The following TMEM114 variants were observed in gnomAD, a reference collection of about 807,000 sequenced individuals.
TMEM114 encodes the protein transmembrane protein 114.
In TMEM114, 6 loss-of-function variants were observed where a neutral mutation model predicts 6.2. The observed-to-expected ratio is 0.97, with a 90% CI of 0.53 to 1.91. The LOEUF (loss-of-function observed/expected upper bound fraction) is 1.91, where lower values mean the gene tolerates loss of function less well. Ranked by LOEUF, TMEM114 falls within the 40% of genes most tolerant of loss-of-function variation. TMEM114 has a pLI of 0.01. For missense variants in TMEM114, 218 were observed against 158.3 expected (o/e 1.38, Z -2.02); for synonymous variants, 104 against 73.0 (o/e 1.42, Z -2.16).
At chr16:8,533,311 C>T (rs1370655732), downstream of TMEM114, among the ~76,000 whole-genome samples, 2 of 152,146 alleles carry the variant, frequency 1.3e-5, no homozygotes, top group Non-Finnish European at 2.9e-5. Flanking sequence ...ATGAAGAAGC[C>T]AGCCGTGGGA....
intron 2 of TMEM114, among the ~76,000 whole-genome samples, chr16:8,560,760 A>C (rs185173611): frequency 1.3e-5 from 2 of 152,160 alleles, no homozygotes; most frequent in African/African-American, 4.8e-5. Context: ...GGGATCCCCC[A>C]TCAGCCCCAA....
At position 8,556,233 on chromosome 16, in the gene TMEM114, C is replaced by A. The variant is rs567307026; in HGVS notation, n.213-18407G>T. Among the ~76,000 whole-genome samples the A allele has an allele frequency of 1.3e-3, 191 of 152,298 alleles. 2 individuals carry two copies. The highest frequency in any genetic ancestry group is 4.5e-3 in the African/African-American group (187 of 41,564). ...ATCTACACAAGTATCAGCCCCTCTG[C>A]CGGCCTTTGTCCCTGCAGTTATACC... is the stretch of plus-strand genomic sequence containing the variant. On this transcript the variant is annotated intron_variant and non_coding_transcript_variant, in intron 2 of 2. Coordinates refer to the TMEM114 transcript ENST00000623677.
chr16:8,558,715 G>C (rs1901096912), intron 2 of TMEM114, among the ~76,000 whole-genome samples: 1 of 151,076 alleles, frequency 6.6e-6, no homozygotes. Flanking sequence ...GAAGGTGGAA[G>C]ATCAGATGCC....
chr16:8,561,931 AGTG>A (rs1901230558), intron 2 of TMEM114, among the ~76,000 whole-genome samples: 1 of 151,260 alleles, frequency 6.6e-6, no homozygotes, highest in African/African-American at 2.4e-5. Flanking sequence ...TGAATGAGTG[AGTG>A]AGTAAGTGAA....
chr16:8,574,538 C>G (rs62018864), intron 2 of TMEM114, among the ~76,000 whole-genome samples: 7,666 of 148,360 alleles, frequency 0.052, 241 homozygotes, highest in African/African-American at 0.058. Context: ...GGGATGAGAC[C>G]TGTGGTCTTT....
intron 2 of TMEM114, among the ~76,000 whole-genome samples, chr16:8,580,495 TAAAA>T (rs560742507): frequency 1.0e-5 from 1 of 98,264 alleles, no homozygotes; most frequent in Admixed American, 1.1e-4. Flanking sequence ...TCAAAAGAGG[TAAAA>T]AAAAAAAAAA....
chr16:8,528,908 G>C, the TMEM114 span, among the ~76,000 whole-genome samples: 1 of 152,174 alleles, frequency 6.6e-6, no homozygotes, highest in Non-Finnish European at 1.5e-5. Flanking sequence ...GGTCATTTGA[G>C]TAATGCTATT....
In TMEM114 at chr16:8,562,154, A is replaced by C. The variant is rs56651576; in HGVS notation, n.213-24328T>G. Among the ~76,000 whole-genome samples the C allele has an allele frequency of 1.2e-3, 165 of 139,178 alleles. 3 individuals are homozygous for C. Among genetic ancestry groups the C allele is most frequent in the African/African-American group, 4.4e-3 (160 of 36,520 alleles). 91.3% of individuals were successfully genotyped at this position (139,178 alleles called of 152,430 possible). ...TGAGTGAATGAGTGAGTTAGTGAAT[A>C]AGTGAGTTAGTGAATGAGTGAATGA... On this transcript the variant is annotated intron_variant and non_coding_transcript_variant, in intron 2 of 2. Transcript: ENST00000623677.
At chr16:8,532,695 C>T (rs1013862536), downstream of TMEM114, among the ~76,000 whole-genome samples, 1 of 152,066 alleles carries the variant, frequency 6.6e-6, no homozygotes, top group Non-Finnish European at 1.5e-5. Flanking sequence ...GAGGCCGAGG[C>T]GGGCGACTCA....
At chr16:8,558,976 C>A (rs200801845) in intron 2 of TMEM114, among the ~76,000 whole-genome samples, 3 of 151,844 alleles carry the variant, frequency 2.0e-5, no homozygotes, top group Non-Finnish European at 4.4e-5. Context: ...ATCTCCTGAC[C>A]TTGTAATCCA....
At chr16:8,553,878 C>G (rs1000481899) in intron 2 of TMEM114, among the ~76,000 whole-genome samples, 5 of 144,728 alleles carry the variant, frequency 3.5e-5, no homozygotes, top group Admixed American at 2.8e-4. Context: ...TTTTCCTTTT[C>G]TTTTTTTTTT....
At chr16:8,535,469 C>T (rs1900328337), downstream of TMEM114, among the ~76,000 whole-genome samples, 1 of 151,766 alleles carries the variant, frequency 6.6e-6, no homozygotes. Flanking sequence ...ATAATTGAAA[C>T]ATAATGAATA....
intron 2 of TMEM114, among the ~76,000 whole-genome samples, chr16:8,553,554 C>G (rs1046210332): frequency 2.6e-5 from 4 of 152,032 alleles, no homozygotes; most frequent in African/African-American, 9.7e-5. Context: ...GGCACGATCT[C>G]GACTCACTGC....
chr16:8,573,095 A>G (rs1901790715), intron 2 of TMEM114, among the ~76,000 whole-genome samples: 1 of 152,150 alleles, frequency 6.6e-6, no homozygotes, highest in Non-Finnish European at 1.5e-5. Flanking sequence ...TTTTGCCAGC[A>G]CCTTGATTGC....
At chr16:8,559,079 G>C (rs9933037) in intron 2 of TMEM114, among the ~76,000 whole-genome samples, 44,362 of 150,610 alleles carry the variant, frequency 0.29, 6,504 homozygotes, top group East Asian at 0.38. Flanking sequence ...AGTTTGCTGT[G>C]TCACCCAGGC....
chr16:8,563,440 A>G (rs1391299236), intron 2 of TMEM114, among the ~76,000 whole-genome samples: 1 of 151,188 alleles, frequency 6.6e-6, no homozygotes, highest in East Asian at 1.9e-4. Flanking sequence ...TGAGGCAATG[A>G]GTAAGTGAAT....
intron 2 of TMEM114, among the ~76,000 whole-genome samples, chr16:8,563,834 TGAGG>T (rs374219413): frequency 0.15 from 17,064 of 110,844 alleles, 1,715 homozygotes; most frequent in Non-Finnish European, 0.21. Context: ...AGTGAATGAG[TGAGG>T]GAGGGAGGGA....
At chr16:8,542,140 C>CGG (rs1180284478) in intron 2 of TMEM114, among the ~76,000 whole-genome samples, 9 of 123,114 alleles carry the variant, frequency 7.3e-5, no homozygotes, top group African/African-American at 2.9e-4. Context: ...GAGGATGATT[C>CGG]GTGGGGGGGG....
chr16:8,556,218 G>T (rs1901005125), intron 2 of TMEM114, among the ~76,000 whole-genome samples: 1 of 152,068 alleles, frequency 6.6e-6, no homozygotes, highest in Non-Finnish European at 1.5e-5. Flanking sequence ...ATCTACACAA[G>T]TATCAGCCCC....
Sources: gnomAD v4.1 joint callset for allele counts (sites outside exome capture counted in the v4.1 genomes callset) on GRCh38, gnomAD v4.1.1 for gene constraint, MANE v1.5 for transcripts, NCBI Gene and HGNC (gene_info 2026-07-23, HGNC 2026-07-21) for gene names.